Variants in WDPCP observed in about 807,000 individuals in gnomAD.
WDPCP encodes the protein WD repeat containing planar cell polarity effector.
WDPCP carries 71 observed loss-of-function variants against 93.1 expected under a neutral mutation model. The ratio of observed to expected loss-of-function variants is 0.76; its 90% CI spans 0.63 to 0.93. WDPCP has a LOEUF of 0.93. WDPCP is among the 40% of genes least tolerant of loss of function. The pLI, the probability that WDPCP is intolerant of heterozygous loss-of-function variation, is 0.00. For synonymous variants in WDPCP, 315 were observed against 315.0 expected, an observed-to-expected ratio of 1.00 and a Z score of 0.00; for missense variants, 844 against 887.4, an observed-to-expected ratio of 0.95 and a Z score of 0.62.
intron 1 of WDPCP, among the ~76,000 whole-genome samples, chr2:63,574,024 A>T (rs1707740914): frequency 6.6e-6 from 1 of 152,184 alleles, no homozygotes; most frequent in South Asian, 2.1e-4. Flanking sequence ...CTGTCTCCTG[A>T]TAAGATGTTA....
At chr2:63,788,106 A>C (rs1300705531) in intron 2 of WDPCP, among the ~76,000 whole-genome samples, 1 of 152,180 alleles carries the variant, frequency 6.6e-6, no homozygotes, top group African/African-American at 2.4e-5. Context: ...ATCTCTTTTT[A>C]TTTTAATCTT....
At chr2:63,526,631 C>T (rs996242814) in intron 1 of WDPCP, among the ~76,000 whole-genome samples, 17 of 152,208 alleles carry the variant, frequency 1.1e-4, no homozygotes, top group African/African-American at 4.1e-4. Flanking sequence ...ATTCCTGCTT[C>T]AGAGCCTTTG....
intron 14 of WDPCP, among the ~76,000 whole-genome samples, chr2:63,180,256 G>A (rs1674140520): frequency 6.6e-6 from 1 of 152,096 alleles, no homozygotes; most frequent in Non-Finnish European, 1.5e-5. Flanking sequence ...TGGATATACT[G>A]TGTAGTGGTA....
chr2:63,620,723 G>T (rs1431729502), intron 3 of WDPCP, among the ~76,000 whole-genome samples: 1 of 152,188 alleles, frequency 6.6e-6, no homozygotes, highest in South Asian at 2.1e-4. Context: ...CCTGCCTCCT[G>T]ACTGGGAGAC....
At chr2:63,782,740 A>ATGTGTG (rs70965143) in intron 2 of WDPCP, among the ~76,000 whole-genome samples, 3,720 of 141,144 alleles carry the variant, frequency 0.026, 41 homozygotes, top group Middle Eastern at 0.086. Flanking sequence ...CACAGGCAAC[A>ATGTGTG]TGTGTGTGTG....
chr2:63,760,133 A>T (rs187653638), intron 2 of WDPCP, among the ~76,000 whole-genome samples: 3 of 152,338 alleles, frequency 2.0e-5, no homozygotes, highest in South Asian at 4.1e-4. Context: ...GTCTTACCAG[A>T]CTTCACTTAC....
rs1239098807 is a variant in WDPCP, at chr2:63,622,812, C to T, written n.488+27847G>A. ...CCAGGAACTCCGGAGCACGCTCTGG[C>T]CCAGGAAATACTTAACCATCGTCCT... is the stretch of plus-strand genomic sequence containing the variant. On this transcript the variant is annotated intron_variant and non_coding_transcript_variant, in intron 3 of 4. Transcript: ENST00000467687. 3.1e-6 allele frequency: 5 copies of T among 1,611,064 alleles called. No individual in the cohort carries two copies. In the African/African-American group the frequency reaches 4.0e-5, roughly 13 times the overall value.
At chr2:63,261,174 GT>G (rs149749511) in intron 13 of WDPCP, among the ~76,000 whole-genome samples, 52,974 of 127,408 alleles carry the variant, frequency 0.42, 11,043 homozygotes, top group Non-Finnish European at 0.5. Flanking sequence ...CTGTCGAAAG[GT>G]TTTTTTTTTT....
At chr2:63,318,903 G>A (rs1280575139) in intron 12 of WDPCP, among the ~76,000 whole-genome samples, 1 of 151,932 alleles carries the variant, frequency 6.6e-6, no homozygotes, top group Non-Finnish European at 1.5e-5. Context: ...TAACAAACCG[G>A]CTGATGTACC....
At chr2:63,599,329 A>T (rs1027862483) in intron 3 of WDPCP, 1 of 1,582,520 alleles carries the variant, frequency 6.3e-7, no homozygotes, top group Non-Finnish European at 8.6e-7. Context: ...TGGTTGTTCA[A>T]CTTTAAAACA....
chr2:63,776,816 G>A (rs1272219795), intron 2 of WDPCP, among the ~76,000 whole-genome samples: 8 of 152,078 alleles, frequency 5.3e-5, no homozygotes, highest in East Asian at 1.9e-4. Context: ...CAACATGGAC[G>A]AATCTGAAGA....
At chr2:63,522,902 T>A (rs1703048807) in intron 1 of WDPCP, among the ~76,000 whole-genome samples, 2 of 152,194 alleles carry the variant, frequency 1.3e-5, no homozygotes, top group African/African-American at 4.8e-5. Context: ...GCTAGTACCA[T>A]TCCTTCTGAA....
At chr2:63,246,163 C>T (rs1426930588) in intron 14 of WDPCP, among the ~76,000 whole-genome samples, 1 of 152,150 alleles carries the variant, frequency 6.6e-6, no homozygotes, top group Non-Finnish European at 1.5e-5. Context: ...AGCAGGCCCA[C>T]ATAATTATAA....
At chr2:63,533,363 T>C (rs181530480) in intron 1 of WDPCP, among the ~76,000 whole-genome samples, 20 of 152,270 alleles carry the variant, frequency 1.3e-4, no homozygotes, top group East Asian at 3.9e-4. Context: ...GCGAACCTAA[T>C]AGACATCTAC....
At chr2:63,646,059 T>C (rs1710045323) in intron 3 of WDPCP, among the ~76,000 whole-genome samples, 2 of 152,176 alleles carry the variant, frequency 1.3e-5, no homozygotes, top group South Asian at 2.1e-4. Context: ...TCCAGTTGTT[T>C]AGCGGTTTTC....
chr2:63,240,962 A>G (rs531160325), intron 14 of WDPCP, among the ~76,000 whole-genome samples: 2 of 152,356 alleles, frequency 1.3e-5, no homozygotes, highest in South Asian at 4.1e-4. Context: ...ATTCAAAAAT[A>G]TGTTAAATAA....
chr2:63,504,066 A>G (rs770036197), intron 1 of WDPCP, among the ~76,000 whole-genome samples: 1 of 152,098 alleles, frequency 6.6e-6, no homozygotes, highest in African/African-American at 2.4e-5. Context: ...AAACTCTAGT[A>G]ACTGCTGAAA....
chr2:63,589,294 C>G (rs1054637967), upstream of WDPCP: 1 of 1,550,776 alleles, frequency 6.4e-7, no homozygotes, highest in Admixed American at 2.0e-5. Context: ...GGGAGAGGAG[C>G]GATCTTAATC....
intron 6 of WDPCP, among the ~76,000 whole-genome samples, chr2:63,484,020 A>G (rs1700420328): frequency 6.6e-6 from 1 of 152,002 alleles, no homozygotes. Flanking sequence ...ATATGATAAC[A>G]TGTGGCTATT....
Sources: gnomAD v4.1 joint callset for allele counts (sites outside exome capture counted in the v4.1 genomes callset) on GRCh38, gnomAD v4.1.1 for gene constraint, MANE v1.5 for transcripts, NCBI Gene and HGNC (gene_info 2026-07-23, HGNC 2026-07-21) for gene names.